WNT2B: variants seen among roughly 807,000 people sequenced by gnomAD.
The protein encoded by WNT2B is Wnt family member 2B.
Under a neutral mutation model 40.5 loss-of-function variants are expected in WNT2B, and 19 were observed. The ratio of observed to expected loss-of-function variants is 0.47; its 90% CI spans 0.33 to 0.69. The LOEUF (loss-of-function observed/expected upper bound fraction) is 0.69. WNT2B is among the 30% of genes least tolerant of loss of function. The probability of loss-of-function intolerance (pLI) is 0.02; values close to 1 mark genes in which losing one functional copy is unlikely to be tolerated. For missense variants in WNT2B, 467 were observed against 556.4 expected (o/e 0.84, Z 1.62); for synonymous variants, 220 against 211.9 (o/e 1.04, Z -0.33).
At chr1:112,507,025 C>T (rs1380530816), upstream of WNT2B, among the ~76,000 whole-genome samples, 6 of 152,198 alleles carry the variant, frequency 3.9e-5, no homozygotes, top group Non-Finnish European at 8.8e-5. Context: ...TTCTCGATAA[C>T]CCTCGTACAC....
At chr1:112,475,366 T>C (rs757893176) in intron 1 of WNT2B, among the ~76,000 whole-genome samples, 2 of 152,126 alleles carry the variant, frequency 1.3e-5, no homozygotes, top group African/African-American at 4.8e-5. Flanking sequence ...TCTGCATCTA[T>C]ACAAAGGAAT....
At chr1:112,493,973 C>T (rs1651687409) in intron 1 of WNT2B, among the ~76,000 whole-genome samples, 1 of 150,934 alleles carries the variant, frequency 6.6e-6, no homozygotes. Context: ...AAGAAGCCAG[C>T]GATGAGAAAA....
intron 1 of WNT2B, among the ~76,000 whole-genome samples, chr1:112,513,791 G>A (rs768422181): frequency 6.6e-6 from 1 of 152,208 alleles, no homozygotes; most frequent in Non-Finnish European, 1.5e-5. Context: ...AGAATAAAAA[G>A]TTCCCAGCAA....
intron 1 of WNT2B, among the ~76,000 whole-genome samples, chr1:112,479,564 A>T (rs1651157967): frequency 6.6e-6 from 1 of 152,076 alleles, no homozygotes; most frequent in Admixed American, 6.5e-5. Context: ...ACAGAGTGAG[A>T]CTCCATTTTA....
rs766037259 is a variant in WNT2B, at chr1:112,509,398, C to T, written c.136C>T (p.Leu46Phe). 1.9e-6 allele frequency: 3 copies of T among 1,596,250 alleles called. No homozygotes were observed. The South Asian group carries it at 3.3e-5, about 18-fold the overall frequency. Residue 46 changes from leucine (L) to phenylalanine (F), a missense_variant, in exon 1 of 5, where the codon CTC becomes TTC. Transcript: ENST00000369684. The surrounding 1 kb of genome is among the most constrained non-coding windows in gnomAD (Gnocchi z 4.2). ...SARLGLACLL[L>F]LLLLTLPARV... Reference sequence around the variant, plus strand: ...CCGCCTAGGTCTTGCCTGCCTTCTGCTCCTGCTGCTGCTGACGCTGCCGGC... The same window carrying T: ...CCGCCTAGGTCTTGCCTGCCTTCTGTTCCTGCTGCTGCTGACGCTGCCGGC...
At chr1:112,506,183 T>A (rs547254373), upstream of WNT2B, among the ~76,000 whole-genome samples, 3 of 152,200 alleles carry the variant, frequency 2.0e-5, no homozygotes, top group South Asian at 2.1e-4. Flanking sequence ...ATTTAAAAAA[T>A]TTTTTGGGTC....
intron 1 of WNT2B, among the ~76,000 whole-genome samples, chr1:112,512,441 G>A (rs573320729): frequency 1.3e-5 from 2 of 152,272 alleles, no homozygotes; most frequent in African/African-American, 2.4e-5. Context: ...CATTTCTAAC[G>A]AATCCCCACA....
chr1:112,476,449 C>T (rs918112843), intron 1 of WNT2B, among the ~76,000 whole-genome samples: 1 of 152,152 alleles, frequency 6.6e-6, no homozygotes, highest in Non-Finnish European at 1.5e-5. Flanking sequence ...TAAACAACTA[C>T]ATACCAACCA....
intron 4 of WNT2B, among the ~76,000 whole-genome samples, chr1:112,519,956 C>T (rs1220688430): frequency 6.7e-6 from 1 of 150,250 alleles, no homozygotes; most frequent in East Asian, 2.0e-4. Context: ...TCACTGCAGC[C>T]TCGACCTCCC....
At chr1:112,485,460 CAAAA>C (rs55872721) in intron 1 of WNT2B, among the ~76,000 whole-genome samples, 7 of 129,066 alleles carry the variant, frequency 5.4e-5, no homozygotes, top group East Asian at 2.3e-4. Flanking sequence ...GACTCTGTCT[CAAAA>C]AAAAAAAAAA....
upstream of WNT2B, chr1:112,508,631 A>G (rs1652205265): frequency 1.2e-6 from 1 of 831,688 alleles, no homozygotes; most frequent in African/African-American, 1.8e-5. The surrounding 1 kb of genome is among the most constrained non-coding windows in gnomAD (Gnocchi z 4.2). Context: ...AAGTGCCCGC[A>G]TCCCCTTCCC....
chr1:112,508,129 C>A (rs947981680), upstream of WNT2B, among the ~76,000 whole-genome samples: 1 of 152,054 alleles, frequency 6.6e-6, no homozygotes, highest in Non-Finnish European at 1.5e-5. The surrounding 1 kb of genome is among the most constrained non-coding windows in gnomAD (Gnocchi z 4.2). Flanking sequence ...GCAGGACCCC[C>A]ACCCTGGCCT....
intron 1 of WNT2B, among the ~76,000 whole-genome samples, chr1:112,472,160 C>T (rs1292185920): frequency 6.6e-6 from 1 of 152,176 alleles, no homozygotes; most frequent in Non-Finnish European, 1.5e-5. Flanking sequence ...AATTGCCCCC[C>T]AACAGGAAGG....
At chr1:112,487,528 T>C (rs1403144320) in intron 1 of WNT2B, among the ~76,000 whole-genome samples, 1 of 152,222 alleles carries the variant, frequency 6.6e-6, no homozygotes, top group Non-Finnish European at 1.5e-5. Context: ...CAAAATCATC[T>C]AACACAATCC....
chr1:112,483,225 T>C lies in WNT2B; in HGVS notation c.-95+15634T>C, dbSNP rs865895158. ...ACACACACACACACACACACACATA[T>C]ACACACACACACACATTATAGTAAT... On this transcript the variant is annotated intron_variant, in intron 1 of 4. Coordinates refer to the WNT2B transcript ENST00000256640. 3.9e-4 allele frequency among the ~76,000 whole-genome samples: 43 copies of C among 110,432 alleles called. 1 individual carries two copies. The highest frequency in any genetic ancestry group is 3.1e-4 in the East Asian group (1 of 3,240). 72.4% of individuals were successfully genotyped at this position (110,432 alleles called of 152,430 possible).
chr1:112,472,406 G>A (rs969158920), intron 1 of WNT2B, among the ~76,000 whole-genome samples: 9 of 152,162 alleles, frequency 5.9e-5, no homozygotes, highest in Non-Finnish European at 1.2e-4. Context: ...GAGATCTCAT[G>A]GGACTGGGAG....
chr1:112,496,383 C>A (rs943048383), intron 1 of WNT2B, among the ~76,000 whole-genome samples: 1 of 152,156 alleles, frequency 6.6e-6, no homozygotes, highest in Non-Finnish European at 1.5e-5. Flanking sequence ...GCAAAATACT[C>A]ATTCCATCCC....
rs1030058492 is a variant in WNT2B at position 112,509,966 on chromosome 1, C to A, written c.182+522C>A. On this transcript the variant is annotated intron_variant, in intron 1 of 4. Transcript: ENST00000369684. The surrounding 1 kb of genome is among the most constrained non-coding windows in gnomAD (Gnocchi z 4.2). ...CGAGGCAAAATTTACCCCATTAACT[C>A]CCACAATTAAAACAAACAAAACGCA... 6.6e-6 allele frequency among the ~76,000 whole-genome samples: 1 copy of A among 152,150 alleles called. No individual in the cohort carries two copies. The highest frequency in any genetic ancestry group is 2.4e-5 in the African/African-American group (1 of 41,424).
chr1:112,474,900 C>G (rs77319715), intron 1 of WNT2B, among the ~76,000 whole-genome samples: 3,679 of 152,226 alleles, frequency 0.024, 164 homozygotes, highest in African/African-American at 0.084. Flanking sequence ...CCCACACACA[C>G]ACCCAGCTCT....
Sources: allele counts gnomAD v4.1 joint callset (sites outside exome capture counted in the v4.1 genomes callset), GRCh38; gene constraint gnomAD v4.1.1; non-coding constraint Gnocchi (gnomAD v3.1); transcripts MANE v1.5; gene names NCBI Gene and HGNC (gene_info 2026-07-23, HGNC 2026-07-21).